The following ARHGEF11 variants were observed in gnomAD, a reference collection of about 807,000 sequenced individuals.
ARHGEF11 encodes Rho guanine nucleotide exchange factor 11.
ARHGEF11 carries 55 observed loss-of-function variants against 193.7 expected under a neutral mutation model. That is an observed-to-expected ratio of 0.28 (90% CI 0.23 to 0.36). The LOEUF (loss-of-function observed/expected upper bound fraction) is 0.36, where lower values mean the gene tolerates loss of function less well. ARHGEF11 is among the 10% of genes least tolerant of loss of function. The probability of loss-of-function intolerance (pLI) is 1.00; values close to 1 mark genes in which losing one functional copy is unlikely to be tolerated. For synonymous variants in ARHGEF11, 693 were observed against 768.0 expected, an observed-to-expected ratio of 0.90 and a Z score of 1.62; for missense variants, 1,723 against 2,005.6, an observed-to-expected ratio of 0.86 and a Z score of 2.69.
intron 15 of ARHGEF11, among the ~76,000 whole-genome samples, chr1:156,959,880 C>T (rs766013881): frequency 1.6e-4 from 24 of 149,904 alleles, no homozygotes; most frequent in Middle Eastern, 3.4e-3. Context: ...ACTCTGGACT[C>T]GCTGCTGTCA....
intron 1 of ARHGEF11, among the ~76,000 whole-genome samples, chr1:157,011,944 A>T (rs1668594672): frequency 2.0e-5 from 3 of 152,224 alleles, no homozygotes; most frequent in Admixed American, 2.0e-4. Flanking sequence ...TGTTAAACAC[A>T]CATATGCTAT....
intron 22 of ARHGEF11, among the ~76,000 whole-genome samples, chr1:156,951,310 G>A (rs1659059185): frequency 1.3e-5 from 2 of 152,296 alleles, no homozygotes; most frequent in South Asian, 4.1e-4. Context: ...AGGCTACTGA[G>A]TAGTCAGGTG....
At chr1:157,016,914 C>T (rs1214634943) in intron 1 of ARHGEF11, among the ~76,000 whole-genome samples, 2 of 152,094 alleles carry the variant, frequency 1.3e-5, no homozygotes, top group African/African-American at 4.8e-5. Context: ...TGGGCTCAAG[C>T]GATCCTCCCA....
chr1:157,017,490 G>A (rs1468675503), intron 1 of ARHGEF11, among the ~76,000 whole-genome samples: 5 of 151,972 alleles, frequency 3.3e-5, no homozygotes, highest in Admixed American at 3.3e-4. Flanking sequence ...GGTGGATCAC[G>A]AGGTCAGGAG....
chr1:157,014,481 T>C (rs1024192217), intron 1 of ARHGEF11, among the ~76,000 whole-genome samples: 1 of 152,034 alleles, frequency 6.6e-6, no homozygotes, highest in Non-Finnish European at 1.5e-5. Context: ...CACTGTAGCT[T>C]ACCGCAGCCT....
chr1:157,017,346 ATG>A (rs1669370312), intron 1 of ARHGEF11, among the ~76,000 whole-genome samples: 1 of 152,150 alleles, frequency 6.6e-6, no homozygotes. Flanking sequence ...ATTTGTTTGT[ATG>A]TCCGTCTCTT....
At chr1:156,939,469 A>G (rs1656302591) in intron 37 of ARHGEF11, 79 bp downstream of exon 37, 1 of 1,589,530 alleles carries the variant, frequency 6.3e-7, no homozygotes, top group East Asian at 2.2e-5. Context: ...GAGTATAGGG[A>G]AGGAAGCAGC....
At chr1:157,007,384 C>T (rs1409411) in intron 1 of ARHGEF11, among the ~76,000 whole-genome samples, 148,417 of 152,112 alleles carry the variant, frequency 0.98, 72,518 homozygotes, top group Middle Eastern at 1. Flanking sequence ...AACATCAGAT[C>T]GTCTTAGGGG....
intron 1 of ARHGEF11, among the ~76,000 whole-genome samples, chr1:157,043,711 T>A (rs1260519318): frequency 2.6e-5 from 4 of 152,230 alleles, no homozygotes; most frequent in African/African-American, 9.6e-5. Context: ...AATTCTAATG[T>A]GATCTATGCA....
intron 1 of ARHGEF11, among the ~76,000 whole-genome samples, chr1:156,991,710 A>ATTTTTTTTTTTTTTTTTT (rs57140356): frequency 6.0e-5 from 5 of 83,956 alleles, no homozygotes; most frequent in African/African-American, 8.7e-5. Context: ...TTTCAAGCTT[A>ATTTTTTTTTTTTTTTTTT]TTTTTTTTTT....
chr1:156,962,776 G>C (rs568541999), intron 13 of ARHGEF11, among the ~76,000 whole-genome samples: 2 of 151,664 alleles, frequency 1.3e-5, no homozygotes, highest in Non-Finnish European at 2.9e-5. Context: ...CTACTCGGGG[G>C]GCTGAGGCAG....
chr1:156,968,449 A>G (rs2102272453), intron 10 of ARHGEF11, among the ~76,000 whole-genome samples: 1 of 152,298 alleles, frequency 6.6e-6, no homozygotes, highest in African/African-American at 2.4e-5. Flanking sequence ...AACTCACAGC[A>G]CACACTCTTC....
At chr1:156,937,056 C>T in intron 39 of ARHGEF11, 51 bp from the exon 40 acceptor site, 2 of 1,593,314 alleles carry the variant, frequency 1.3e-6, no homozygotes, top group Non-Finnish European at 1.7e-6. Flanking sequence ...ATTCCTAAGG[C>T]CCCTGGGGAA....
At chr1:156,936,489 A>ATATATATATATATAT (rs1235714151) in intron 40 of ARHGEF11, among the ~76,000 whole-genome samples, 1 of 77,152 alleles carries the variant, frequency 1.3e-5, no homozygotes, top group African/African-American at 5.8e-5. Flanking sequence ...AGAAAAAAAA[A>ATATATATATATATAT]AAAAAAAAAT....
chr1:157,023,226 C>T (rs1283127562), intron 1 of ARHGEF11, among the ~76,000 whole-genome samples: 1 of 152,030 alleles, frequency 6.6e-6, no homozygotes, highest in Admixed American at 6.6e-5. Flanking sequence ...AAATTATTTG[C>T]CAATCATATG....
At chr1:157,009,135 T>C (rs779870068) in intron 1 of ARHGEF11, among the ~76,000 whole-genome samples, 7 of 152,210 alleles carry the variant, frequency 4.6e-5, no homozygotes, top group Non-Finnish European at 8.8e-5. Flanking sequence ...TGAATGTCTC[T>C]GCACATTTTT....
At chr1:156,959,000 C>G in intron 16 of ARHGEF11, 46 bp downstream of exon 16, 1 of 1,610,492 alleles carries the variant, frequency 6.2e-7, no homozygotes, top group Non-Finnish European at 8.5e-7. Context: ...GGCCAAGAGG[C>G]GGAGGTGAAC....
chr1:156,958,947 A>AGG, intron 16 of ARHGEF11, 83 bp from the exon 17 acceptor site: 2 of 1,609,512 alleles, frequency 1.2e-6, no homozygotes, highest in Non-Finnish European at 1.7e-6. Context: ...AGACAAACAC[A>AGG]TATAACAAGA....
At chr1:156,954,180 G>A (rs772547482) in intron 21 of ARHGEF11, among the ~76,000 whole-genome samples, 1 of 151,996 alleles carries the variant, frequency 6.6e-6, no homozygotes, top group Admixed American at 6.6e-5. Context: ...AGGAGTTCGA[G>A]ACCAGCCTGG....
Sources: allele counts gnomAD v4.1 joint callset (sites outside exome capture counted in the v4.1 genomes callset), GRCh38; gene constraint gnomAD v4.1.1; transcripts MANE v1.5; gene names NCBI Gene and HGNC (gene_info 2026-07-23, HGNC 2026-07-21).